IMMP2L: variants seen among roughly 807,000 people sequenced by gnomAD.
IMMP2L encodes inner mitochondrial membrane peptidase subunit 2.
A neutral mutation model predicts 19.3 loss-of-function variants in IMMP2L; 18 were observed. The ratio of observed to expected loss-of-function variants is 0.93; its 90% CI spans 0.64 to 1.38. The LOEUF is 1.38. Ranked by LOEUF, IMMP2L falls within the 40% of genes most tolerant of loss-of-function variation. The pLI is 0.00. For missense variants in IMMP2L, 233 were observed against 218.2 expected (o/e 1.07, Z -0.43); for synonymous variants, 76 against 73.0 (o/e 1.04, Z -0.21).
rs779329257 is a variant in IMMP2L at position 110,663,656 on chromosome 7, T to C, written c.474A>G (p.Lys158=). 3.7e-6 allele frequency: 6 copies of C among 1,611,604 alleles called. No homozygotes were observed. In the East Asian group the frequency reaches 1.3e-4, roughly 36 times the overall value. The change falls in exon 6 of 6, where the codon AAA becomes AAG. Residue 158 remains lysine (K), a synonymous_variant. Transcript: ENST00000405709. ...GCTCTGGAGGAAGAACAGATTCCAA[T>C]TTCTGCCAGCGCTCTGGGGGCCACA... ...HILWPPERWQ[K]LESVLPPERL...
chr7:111,385,879 C>CG (rs1451223035), intron 3 of IMMP2L, among the ~76,000 whole-genome samples: 4 of 152,072 alleles, frequency 2.6e-5, no homozygotes, highest in African/African-American at 9.6e-5. Context: ...TTCAGTAAGG[C>CG]GGGGTGAAGG....
intron 5 of IMMP2L, among the ~76,000 whole-genome samples, chr7:110,690,919 C>T (rs1455367078): frequency 6.6e-6 from 1 of 151,976 alleles, no homozygotes; most frequent in Non-Finnish European, 1.5e-5. Flanking sequence ...AGATTGAATG[C>T]AATCCACATC....
At chr7:111,528,929 C>G (rs1239291681) in intron 1 of IMMP2L, among the ~76,000 whole-genome samples, 1 of 152,126 alleles carries the variant, frequency 6.6e-6, no homozygotes, top group African/African-American at 2.4e-5. Flanking sequence ...CCAAGCAAAT[C>G]TGACACACAA....
At chr7:111,132,859 T>C (rs972264287) in intron 3 of IMMP2L, among the ~76,000 whole-genome samples, 1 of 151,996 alleles carries the variant, frequency 6.6e-6, no homozygotes, top group East Asian at 1.9e-4. Context: ...TAAAAGACTT[T>C]CTTAGGTTAA....
chr7:110,888,511 C>A (rs258977), intron 4 of IMMP2L, among the ~76,000 whole-genome samples: 34 of 152,066 alleles, frequency 2.2e-4, no homozygotes, highest in African/African-American at 8.0e-4. Flanking sequence ...GGAAAACCAG[C>A]ATAAAATCAT....
intron 3 of IMMP2L, among the ~76,000 whole-genome samples, chr7:111,170,590 C>G (rs1268602560): frequency 6.6e-6 from 1 of 151,664 alleles, no homozygotes; most frequent in African/African-American, 2.4e-5. Context: ...GAGAATGTGA[C>G]CAAAAGGTTA....
chr7:111,175,562 T>G (rs953533639), intron 3 of IMMP2L, among the ~76,000 whole-genome samples: 64 of 150,062 alleles, frequency 4.3e-4, no homozygotes, highest in Admixed American at 8.0e-4. Flanking sequence ...AATGTGGAGG[T>G]TTTTTTTTAA....
chr7:110,763,939 A>G (rs186362687), intron 5 of IMMP2L, among the ~76,000 whole-genome samples: 18 of 152,262 alleles, frequency 1.2e-4, no homozygotes, highest in African/African-American at 3.6e-4. Context: ...TCCTTTCTTT[A>G]TAGATAGCAG....
At chr7:110,692,855 T>C (rs937779119) in intron 5 of IMMP2L, among the ~76,000 whole-genome samples, 2 of 152,158 alleles carry the variant, frequency 1.3e-5, no homozygotes, top group Non-Finnish European at 2.9e-5. Context: ...AGAACACTAG[T>C]AATCACTCTA....
intron 3 of IMMP2L, among the ~76,000 whole-genome samples, chr7:111,064,798 G>A (rs1794343537): frequency 1.3e-5 from 2 of 152,184 alleles, no homozygotes; most frequent in African/African-American, 4.8e-5. Flanking sequence ...GATTGACCCA[G>A]ACTATCAAGA....
chr7:111,174,008 C>T (rs1160521486), intron 3 of IMMP2L, among the ~76,000 whole-genome samples: 1 of 151,608 alleles, frequency 6.6e-6, no homozygotes, highest in African/African-American at 2.4e-5. Context: ...TAAATGTGAG[C>T]CTCCTCATGG....
In IMMP2L at chr7:111,213,042, G is replaced by A. The variant is rs778007284; in HGVS notation, c.240-249477C>T. 7.2e-5 allele frequency among the ~76,000 whole-genome samples: 11 copies of A among 152,182 alleles called. No homozygotes were observed. The highest frequency in any genetic ancestry group is 1.5e-4 in the Non-Finnish European group (10 of 68,034). On this transcript the variant is annotated intron_variant, in intron 3 of 5. Transcript: ENST00000405709. The surrounding 1 kb of genome is among the most constrained non-coding windows in gnomAD (Gnocchi z 4.8). Reference sequence around the variant, plus strand: ...GGAGCTGGAAGCAGCCAGAAGCCCCGCCCTTCCAGGCACAGCTGCAGCCAC... The same window carrying A: ...GGAGCTGGAAGCAGCCAGAAGCCCCACCCTTCCAGGCACAGCTGCAGCCAC...
At chr7:111,124,960 T>G in intron 3 of IMMP2L, 1 of 1,157,448 alleles carries the variant, frequency 8.6e-7, no homozygotes, top group Non-Finnish European at 1.2e-6. Context: ...AAGACTGCAG[T>G]TGTGCTAAAA....
chr7:111,188,412 C>T (rs1427435160), intron 3 of IMMP2L, among the ~76,000 whole-genome samples: 2 of 152,068 alleles, frequency 1.3e-5, no homozygotes, highest in Non-Finnish European at 2.9e-5. Context: ...CTCATTGTTT[C>T]TTCATATGGC....
intron 2 of IMMP2L, among the ~76,000 whole-genome samples, chr7:111,503,447 G>C (rs1844522686): frequency 6.6e-6 from 1 of 152,014 alleles, no homozygotes; most frequent in African/African-American, 2.4e-5. Context: ...AGAAAAAGAG[G>C]GAATCCTCCC....
intron 3 of IMMP2L, among the ~76,000 whole-genome samples, chr7:111,335,731 C>A (rs1826333369): frequency 6.6e-6 from 1 of 152,050 alleles, no homozygotes; most frequent in African/African-American, 2.4e-5. Context: ...ATGGAAAGTT[C>A]TCTAACATTT....
chr7:111,330,495 G>A (rs1825768823), intron 3 of IMMP2L, among the ~76,000 whole-genome samples: 1 of 151,398 alleles, frequency 6.6e-6, no homozygotes. Flanking sequence ...GGGCCCACTA[G>A]CCACGGGGTG....
chr7:111,440,544 A>T (rs923495118), intron 3 of IMMP2L, among the ~76,000 whole-genome samples: 1 of 151,860 alleles, frequency 6.6e-6, no homozygotes, highest in African/African-American at 2.4e-5. Context: ...TCCACAATCT[A>T]TGCTATGAAC....
intron 2 of IMMP2L, chr7:111,492,400 G>A (rs1241055763): frequency 1.1e-5 from 11 of 983,596 alleles, no homozygotes; most frequent in African/African-American, 1.8e-5. Context: ...TTTCTAACCC[G>A]CTCTTTGGAT....
Sources: gnomAD v4.1 joint callset for allele counts (sites outside exome capture counted in the v4.1 genomes callset) on GRCh38, gnomAD v4.1.1 for gene constraint, Gnocchi (gnomAD v3.1) non-coding constraint, MANE v1.5 for transcripts, NCBI Gene and HGNC (gene_info 2026-07-23, HGNC 2026-07-21) for gene names.